NKAIN3: variants seen among roughly 807,000 people sequenced by gnomAD.
NKAIN3 encodes sodium/potassium transporting ATPase interacting 3.
Under a neutral mutation model 30.2 loss-of-function variants are expected in NKAIN3, and 25 were observed. The observed-to-expected ratio is 0.83, with a 90% CI of 0.60 to 1.16. The LOEUF (loss-of-function observed/expected upper bound fraction) is 1.16. NKAIN3 is among the 50% of genes most tolerant of loss of function. The pLI, the probability that NKAIN3 is intolerant of heterozygous loss-of-function variation, is 0.00. For synonymous variants in NKAIN3, 91 were observed against 89.6 expected, an observed-to-expected ratio of 1.02 and a Z score of -0.09; for missense variants, 225 against 254.1, an observed-to-expected ratio of 0.89 and a Z score of 0.78.
chr8:62,689,989 T>A (rs535666441), intron 3 of NKAIN3, among the ~76,000 whole-genome samples: 50 of 148,364 alleles, frequency 3.4e-4, no homozygotes, highest in Non-Finnish European at 4.3e-4. Flanking sequence ...AATAAATAAA[T>A]AAAATTGCAC....
chr8:62,556,537 G>A (rs575479435), intron 1 of NKAIN3, among the ~76,000 whole-genome samples: 1 of 151,786 alleles, frequency 6.6e-6, no homozygotes, highest in African/African-American at 2.4e-5. Flanking sequence ...AGATTCTCAG[G>A]TGAGACTGAA....
Position 62,345,616 on chromosome 8 carries a change from C to CACACATATAT in NKAIN3, c.54+96491_54+96500dup, listed in dbSNP as rs1348728048. Among the ~76,000 whole-genome samples, 35 of 139,806 alleles carry CACACATATAT rather than the reference C, an allele frequency of 2.5e-4. 2 individuals carry two copies. The highest frequency in any genetic ancestry group is 9.9e-4 in the African/African-American group (34 of 34,178). 91.7% of individuals were successfully genotyped at this position (139,806 alleles called of 152,430 possible). On this transcript the variant is annotated intron_variant, in intron 1 of 6. Coordinates refer to ENST00000623646, the MANE Select transcript of NKAIN3 (RefSeq NM_001304533.3). ...ACATATATACACATATATGTATATA[C>CACACATATAT]ACACATATATATACACATATATGTA...
intron 3 of NKAIN3, among the ~76,000 whole-genome samples, chr8:62,608,833 G>T (rs1219528625): frequency 6.6e-6 from 1 of 152,012 alleles, no homozygotes; most frequent in Non-Finnish European, 1.5e-5. Flanking sequence ...ATTGTCTATA[G>T]CATTTTTAAT....
intron 1 of NKAIN3, among the ~76,000 whole-genome samples, chr8:62,405,026 C>T (rs964732041): frequency 6.6e-6 from 1 of 152,116 alleles, no homozygotes; most frequent in African/African-American, 2.4e-5. Context: ...TTTCCTCCCA[C>T]CCTAGTGTAT....
At chr8:62,425,422 T>C (rs2129597118) in intron 1 of NKAIN3, among the ~76,000 whole-genome samples, 1 of 152,022 alleles carries the variant, frequency 6.6e-6, no homozygotes, top group East Asian at 1.9e-4. Flanking sequence ...TATGTCTTTT[T>C]CAATGTACCT....
intron 4 of NKAIN3, chr8:62,863,240 G>GT (rs1182743690): frequency 1.3e-5 from 21 of 1,569,962 alleles, no homozygotes; most frequent in Admixed American, 5.2e-5. Context: ...TTATTTTTCA[G>GT]TTTTTTCTTT....
intron 1 of NKAIN3, among the ~76,000 whole-genome samples, chr8:62,318,930 C>G (rs1406732364): frequency 6.6e-6 from 1 of 152,078 alleles, no homozygotes; most frequent in Admixed American, 6.5e-5. Context: ...CCTTGTACCT[C>G]TGGTAGAATT....
intron 1 of NKAIN3, among the ~76,000 whole-genome samples, chr8:62,577,035 CTTTG>C (rs1387752917): frequency 6.6e-6 from 1 of 152,002 alleles, no homozygotes; most frequent in African/African-American, 2.4e-5. Flanking sequence ...TACAATGGTG[CTTTG>C]TTTATTTTTG....
intron 3 of NKAIN3, among the ~76,000 whole-genome samples, chr8:62,683,588 C>A (rs1235549821): frequency 6.6e-6 from 1 of 152,210 alleles, no homozygotes; most frequent in Non-Finnish European, 1.5e-5. Context: ...TGTTGAATCT[C>A]ACCTTTCACA....
chr8:62,689,745 T>C (rs80167536), intron 3 of NKAIN3, among the ~76,000 whole-genome samples: 3 of 152,100 alleles, frequency 2.0e-5, no homozygotes, highest in Non-Finnish European at 4.4e-5. Flanking sequence ...CTCTTCTTTA[T>C]CTCTTTGACC....
chr8:62,475,969 A>G (rs1284273506), intron 1 of NKAIN3, among the ~76,000 whole-genome samples: 1 of 152,216 alleles, frequency 6.6e-6, no homozygotes, highest in East Asian at 1.9e-4. Context: ...GTGAAATAAC[A>G]CAATTTTCAT....
At chr8:62,591,874 C>T (rs1257675255) in intron 3 of NKAIN3, among the ~76,000 whole-genome samples, 1 of 151,922 alleles carries the variant, frequency 6.6e-6, no homozygotes, top group African/African-American at 2.4e-5. Context: ...GGACCCTTGA[C>T]AAACACAAAT....
chr8:62,842,675 G>A (rs1819568727), intron 4 of NKAIN3, among the ~76,000 whole-genome samples: 1 of 152,042 alleles, frequency 6.6e-6, no homozygotes. Flanking sequence ...ATCGACCTAT[G>A]GAACAGGACA....
In NKAIN3 at chr8:62,728,652, C is replaced by T. The variant is rs185910548; in HGVS notation, c.274-18280C>T. Reference sequence around the variant, plus strand: ...TGCACTCCAGCCTGGGCGACAAGAACGAAACTTCGTCTCAAAAAACAAAAA... The same window carrying T: ...TGCACTCCAGCCTGGGCGACAAGAATGAAACTTCGTCTCAAAAAACAAAAA... On this transcript the variant is annotated intron_variant, in intron 3 of 6. Coordinates refer to ENST00000623646, the MANE Select transcript of NKAIN3 (RefSeq NM_001304533.3). Among the ~76,000 whole-genome samples the T allele has an allele frequency of 3.4e-3, 498 of 146,384 alleles. 5 individuals carry two copies. Among genetic ancestry groups the T allele is most frequent in the African/African-American group, 0.012 (460 of 39,516 alleles).
At chr8:62,833,155 C>T (rs1457672418) in intron 4 of NKAIN3, among the ~76,000 whole-genome samples, 1 of 151,960 alleles carries the variant, frequency 6.6e-6, no homozygotes, top group Non-Finnish European at 1.5e-5. Flanking sequence ...AAAACAGAGA[C>T]ACAGCATACC....
At chr8:62,517,553 C>T (rs1442638214) in intron 1 of NKAIN3, among the ~76,000 whole-genome samples, 1 of 152,092 alleles carries the variant, frequency 6.6e-6, no homozygotes, top group Admixed American at 6.6e-5. Flanking sequence ...TTCACTTCCA[C>T]TCATAGACCA....
At chr8:62,955,534 T>TG (rs1350331662) in intron 6 of NKAIN3, among the ~76,000 whole-genome samples, 2 of 151,282 alleles carry the variant, frequency 1.3e-5, no homozygotes, top group African/African-American at 4.9e-5. Context: ...ATCTCCACTG[T>TG]GAAAAAAAAA....
chr8:62,623,990 A>G (rs894241778), intron 3 of NKAIN3, among the ~76,000 whole-genome samples: 1 of 152,090 alleles, frequency 6.6e-6, no homozygotes, highest in African/African-American at 2.4e-5. Context: ...CAATTCCCAG[A>G]ACTGAAGGTT....
rs1811989644 is a variant in NKAIN3, at chr8:62,249,045, G to C, written c.-29G>C. 6.5e-7 allele frequency: 1 copy of C among 1,530,204 alleles called. No individual in the cohort carries two copies. Among genetic ancestry groups the C allele is most frequent in the Non-Finnish European group, 8.8e-7 (1 of 1,140,218 alleles). The allele number at this position is 1,530,204 out of a possible 1,614,324, so 94.8% of individuals were successfully genotyped here. A position where few individuals can be genotyped will look rare whatever the true frequency, so the allele number is the denominator to read the frequency against. ...CGGCGGAGGACGAGGATCTCTGGCAGTCAGCGCCGCTCGGACGCCGCCGGC... is the reference window on the plus strand; with the variant it reads ...CGGCGGAGGACGAGGATCTCTGGCACTCAGCGCCGCTCGGACGCCGCCGGC... On this transcript the variant is annotated 5_prime_UTR_variant, in exon 1 of 7. Transcript: ENST00000623646.
Sources: gnomAD v4.1 joint callset for allele counts (sites outside exome capture counted in the v4.1 genomes callset) on GRCh38, gnomAD v4.1.1 for gene constraint, MANE v1.5 for transcripts, NCBI Gene and HGNC (gene_info 2026-07-23, HGNC 2026-07-21) for gene names.